The following IGSF10 variants were observed in gnomAD, a reference collection of about 807,000 sequenced individuals.
IGSF10 encodes the protein immunoglobulin superfamily member 10.
Under a neutral mutation model 128.2 loss-of-function variants are expected in IGSF10, and 126 were observed. The ratio of observed to expected loss-of-function variants is 0.98; its 90% CI spans 0.85 to 1.14. The LOEUF (loss-of-function observed/expected upper bound fraction) is 1.14. Among genes scored for constraint, IGSF10 ranks in the 50% most tolerant of loss-of-function variants. The pLI is 0.00. For synonymous variants in IGSF10, 1,185 were observed against 1,146.2 expected, an observed-to-expected ratio of 1.03 and a Z score of -0.68; for missense variants, 3,295 against 3,149.8, an observed-to-expected ratio of 1.05 and a Z score of -1.10.
chr3:151,510,857 G>A, the IGSF10 span, among the ~76,000 whole-genome samples: 1 of 152,094 alleles, frequency 6.6e-6, no homozygotes, highest in South Asian at 2.1e-4. Context: ...TGGAAGAAAG[G>A]GTATCAGTGG....
At chr3:151,522,088 A>T in the IGSF10 span, among the ~76,000 whole-genome samples, 2 of 152,114 alleles carry the variant, frequency 1.3e-5, no homozygotes, top group Non-Finnish European at 2.9e-5. Flanking sequence ...AACACAAACT[A>T]GAAAACCTAG....
Position 151,438,689 on chromosome 3 carries a change from T to C in IGSF10, c.5964-92A>G, listed in dbSNP as rs12635091. The C allele has an allele frequency of 0.1, 91,248 of 881,676 alleles. 7,269 individuals are homozygous for C. Among genetic ancestry groups the C allele is most frequent in the East Asian group, 0.39 (14,882 of 38,640 alleles). The allele number at this position is 881,676 out of a possible 1,614,324, so 54.6% of individuals were successfully genotyped here. A position where few individuals can be genotyped will look rare whatever the true frequency, so the allele number is the denominator to read the frequency against. On this transcript the variant is annotated intron_variant, in intron 7 of 7. Coordinates refer to ENST00000282466, the MANE Select transcript of IGSF10 (RefSeq NM_178822.5). Reference sequence around the variant, plus strand: ...ATTGCCTCCCTCTGCCCCAGCTTTATTGAAGCATGACCAATGAAAATTGTG... The same window carrying C: ...ATTGCCTCCCTCTGCCCCAGCTTTACTGAAGCATGACCAATGAAAATTGTG...
chr3:151,536,786 T>C, the IGSF10 span, among the ~76,000 whole-genome samples: 384 of 152,330 alleles, frequency 2.5e-3, 1 homozygote, highest in Middle Eastern at 0.017. Flanking sequence ...TGGGCCAATA[T>C]TTTGAAGTCT....
chr3:151,489,038 A>G, the IGSF10 span, among the ~76,000 whole-genome samples: 1 of 152,320 alleles, frequency 6.6e-6, no homozygotes, highest in African/African-American at 2.4e-5. Context: ...TGAACAAGCA[A>G]CCTACATAAT....
the IGSF10 span, among the ~76,000 whole-genome samples, chr3:151,532,722 T>C: frequency 6.6e-6 from 1 of 152,210 alleles, no homozygotes; most frequent in African/African-American, 2.4e-5. Context: ...AATATCATAC[T>C]GAATGGGCAA....
At chr3:151,470,288 G>A in the IGSF10 span, among the ~76,000 whole-genome samples, 1 of 152,176 alleles carries the variant, frequency 6.6e-6, no homozygotes. Flanking sequence ...AAAAACTTAA[G>A]TTTTCAAGGC....
chr3:151,551,628 T>G, the IGSF10 span, among the ~76,000 whole-genome samples: 3 of 151,028 alleles, frequency 2.0e-5, no homozygotes, highest in Admixed American at 2.0e-4. Context: ...GATATAAAAT[T>G]TTTAAGATAT....
intron 7 of IGSF10, chr3:151,440,859 C>G (rs1720813262): frequency 7.3e-6 from 2 of 274,916 alleles, no homozygotes; most frequent in African/African-American, 4.4e-5. Context: ...GATCCCTCAT[C>G]AGCTGCATTA....
At chr3:151,506,607 T>C in the IGSF10 span, among the ~76,000 whole-genome samples, 5 of 152,210 alleles carry the variant, frequency 3.3e-5, no homozygotes, top group African/African-American at 1.2e-4. Context: ...AACTTTTATT[T>C]GAGCAGATTC....
At chr3:151,617,189 C>T in the IGSF10 span, among the ~76,000 whole-genome samples, 9 of 132,250 alleles carry the variant, frequency 6.8e-5, no homozygotes, top group Admixed American at 3.7e-4. Flanking sequence ...TCTGCCTCCT[C>T]CTCCTTCTTT....
At chr3:151,463,534 T>TG (rs1553837084), upstream of IGSF10, among the ~76,000 whole-genome samples, 246 of 54,858 alleles carry the variant, frequency 4.5e-3, 25 homozygotes, top group African/African-American at 0.011. Flanking sequence ...TTTTTTTTTT[T>TG]TTTTTTTTTT....
At chr3:151,517,182 T>C in the IGSF10 span, among the ~76,000 whole-genome samples, 25 of 152,068 alleles carry the variant, frequency 1.6e-4, no homozygotes, top group African/African-American at 6.0e-4. Context: ...TGCCAAATAA[T>C]AGAATCACTC....
At chr3:151,509,971 G>T in the IGSF10 span, among the ~76,000 whole-genome samples, 1 of 152,290 alleles carries the variant, frequency 6.6e-6, no homozygotes, top group East Asian at 1.9e-4. Flanking sequence ...TAAACGAAGT[G>T]GCCAGGAAGC....
the IGSF10 span, among the ~76,000 whole-genome samples, chr3:151,594,305 T>C: frequency 6.6e-6 from 1 of 151,794 alleles, no homozygotes; most frequent in African/African-American, 2.4e-5. Context: ...GAATAAAGAT[T>C]CCATTATGTA....
At chr3:151,534,320 T>C in the IGSF10 span, among the ~76,000 whole-genome samples, 2 of 152,100 alleles carry the variant, frequency 1.3e-5, no homozygotes, top group African/African-American at 2.4e-5. Context: ...ACCCAAAGGA[T>C]TATAAATCAT....
rs1439616740 is a variant in IGSF10, at chr3:151,445,118, A to C, written c.4863T>G (p.Phe1621Leu). Residue 1621 changes from phenylalanine to leucine, a missense_variant, in exon 6 of 8, where the codon TTT (phenylalanine) becomes TTG (leucine). Coordinates refer to ENST00000282466, the MANE Select transcript of IGSF10 (RefSeq NM_178822.5). ...DGQKNTKKSDFDKKPVQEATT... is the reference protein window; with the variant it reads ...DGQKNTKKSDLDKKPVQEATT... ...TTGCTTCTTGAACTGGTTTCTTATC[A>C]AAGTCACTCTTCTTTGTGTTCTTCT... 1 of 1,614,122 alleles carries C rather than the reference A, an allele frequency of 6.2e-7. No individual in the cohort carries two copies. The highest frequency in any genetic ancestry group is 2.2e-5 in the East Asian group (1 of 44,886).
intron 6 of IGSF10, among the ~76,000 whole-genome samples, chr3:151,444,302 T>C (rs1428798927): frequency 2.0e-5 from 3 of 152,120 alleles, no homozygotes; most frequent in Admixed American, 6.5e-5. Flanking sequence ...ATTCCTGGAT[T>C]ATTTTATTTA....
the IGSF10 span, among the ~76,000 whole-genome samples, chr3:151,582,562 T>G: frequency 6.6e-6 from 1 of 152,188 alleles, no homozygotes; most frequent in East Asian, 1.9e-4. Flanking sequence ...ATTTATGCTA[T>G]TGTATTTAGC....
At chr3:151,506,635 C>G in the IGSF10 span, among the ~76,000 whole-genome samples, 1 of 152,162 alleles carries the variant, frequency 6.6e-6, no homozygotes, top group African/African-American at 2.4e-5. Context: ...TTAGTTTGAT[C>G]AAATGTAGGC....
Sources: gnomAD v4.1 joint callset for allele counts (sites outside exome capture counted in the v4.1 genomes callset) on GRCh38, gnomAD v4.1.1 for gene constraint, MANE v1.5 for transcripts, NCBI Gene and HGNC (gene_info 2026-07-23, HGNC 2026-07-21) for gene names.